Variants in KSR2 observed in about 807,000 individuals in gnomAD.
KSR2 encodes kinase suppressor of ras 2.
A neutral mutation model predicts 107.8 loss-of-function variants in KSR2; 25 were observed. That is an observed-to-expected ratio of 0.23 (90% CI 0.17 to 0.32). KSR2 has a LOEUF of 0.32. Ranked by LOEUF, KSR2 falls within the 10% of genes least tolerant of loss-of-function variation. KSR2 has a pLI of 1.00. For missense variants in KSR2, 887 were observed against 1,268.9 expected, an observed-to-expected ratio of 0.70 and a Z score of 4.57; for synonymous variants, 480 against 507.0, an observed-to-expected ratio of 0.95 and a Z score of 0.71.
In KSR2 at chr12:117,947,561, TA is replaced by T. The variant is rs532210593; in HGVS notation, c.180+20514del. 7.5e-3 allele frequency among the ~76,000 whole-genome samples: 1,128 copies of T among 150,544 alleles called. 19 individuals are homozygous for T. Among genetic ancestry groups the T allele is most frequent in the African/African-American group, 0.026 (1,028 of 40,046 alleles). On this transcript the variant is annotated intron_variant, in intron 1 of 19. Transcript: ENST00000339824. ...GAAATCCTGGCTAGTAAAACAAAAATAAATACAATTTTTAAAAAATCAATTA... is the reference window on the plus strand; with the variant it reads ...GAAATCCTGGCTAGTAAAACAAAAATAATACAATTTTTAAAAAATCAATTA...
intron 3 of KSR2, among the ~76,000 whole-genome samples, chr12:117,792,581 T>A (rs1360338342): frequency 1.3e-5 from 2 of 152,200 alleles, no homozygotes; most frequent in African/African-American, 2.4e-5. Flanking sequence ...CAAGGGCTAT[T>A]ATTAGGAACC....
chr12:117,852,709 T>C (rs1022335436), intron 3 of KSR2, among the ~76,000 whole-genome samples: 1 of 152,114 alleles, frequency 6.6e-6, no homozygotes, highest in Non-Finnish European at 1.5e-5. Context: ...CCTCAAACGC[T>C]CACTGTCAGG....
At chr12:117,580,201 A>T (rs1879557263) in intron 6 of KSR2, among the ~76,000 whole-genome samples, 1 of 152,186 alleles carries the variant, frequency 6.6e-6, no homozygotes, top group Non-Finnish European at 1.5e-5. Context: ...CTCCAAACAG[A>T]ATAAGCCACA....
At chr12:117,744,689 T>G (rs1038568224) in intron 4 of KSR2, among the ~76,000 whole-genome samples, 5 of 152,162 alleles carry the variant, frequency 3.3e-5, no homozygotes, top group Non-Finnish European at 7.4e-5. Flanking sequence ...AATCTGTAAG[T>G]TTTTCTCTAC....
chr12:117,959,746 C>T (rs768603149), intron 1 of KSR2, among the ~76,000 whole-genome samples: 12 of 152,052 alleles, frequency 7.9e-5, no homozygotes, highest in Admixed American at 3.9e-4. Context: ...GCCTGAGCAA[C>T]ATAGGGAGAC....
At chr12:117,704,944 C>T (rs1014502792) in intron 4 of KSR2, among the ~76,000 whole-genome samples, 18 of 151,970 alleles carry the variant, frequency 1.2e-4, no homozygotes, top group Non-Finnish European at 2.2e-4. Flanking sequence ...CTAAAGAGTG[C>T]GACAAGGTGG....
Position 117,582,320 on chromosome 12 carries a change from C to T in KSR2, c.1211G>A (p.Arg404His), listed in dbSNP as rs1271054017. 6.2e-6 allele frequency: 10 copies of T among 1,613,640 alleles called. No individual in the cohort carries two copies. The highest frequency in any genetic ancestry group is 2.2e-5 in the South Asian group (2 of 91,084). ...SVPRWSPQIPRRDLGNSIKHR... is the reference protein window; with the variant it reads ...SVPRWSPQIPHRDLGNSIKHR... ...CTTGATGGAGTTGCCGAGATCTCTG[C>T]GAGGGATCTGCGGGGACCAGCGTGG... is the stretch of plus-strand genomic sequence containing the variant. The change falls in exon 6 of 20, where the codon CGC (arginine) becomes CAC (histidine). Residue 404 changes from arginine (R) to histidine (H), a missense_variant. Arg to His is a conservative substitution (Grantham distance 29). Coordinates refer to ENST00000339824, the MANE Select transcript of KSR2 (RefSeq NM_173598.6).
chr12:117,898,526 G>T (rs765680742), intron 1 of KSR2, among the ~76,000 whole-genome samples: 1 of 151,872 alleles, frequency 6.6e-6, no homozygotes, highest in Non-Finnish European at 1.5e-5. Flanking sequence ...CACCATGTGG[G>T]CCAGGCTGGT....
At chr12:117,485,849 C>G (rs555239751) in intron 14 of KSR2, among the ~76,000 whole-genome samples, 158 bp from the exon 15 acceptor site, 5 of 152,338 alleles carry the variant, frequency 3.3e-5, no homozygotes, top group African/African-American at 1.2e-4. Flanking sequence ...AGATCTGGTT[C>G]TGGGATGGAG....
chr12:117,945,065 A>C (rs562155215), intron 1 of KSR2, among the ~76,000 whole-genome samples: 1 of 152,308 alleles, frequency 6.6e-6, no homozygotes, highest in African/African-American at 2.4e-5. Flanking sequence ...CTCAGAATAC[A>C]TGAAGCAAAA....
intron 1 of KSR2, among the ~76,000 whole-genome samples, chr12:117,946,018 T>C (rs1463095334): frequency 6.6e-6 from 1 of 152,052 alleles, no homozygotes; most frequent in Non-Finnish European, 1.5e-5. Context: ...TTAGAAAATA[T>C]TATGAACTGG....
chr12:117,668,535 A>G (rs958286135), intron 4 of KSR2, among the ~76,000 whole-genome samples: 1 of 152,130 alleles, frequency 6.6e-6, no homozygotes, highest in Non-Finnish European at 1.5e-5. Context: ...GCTGGAGAAG[A>G]GCAGGTGCAG....
At chr12:117,654,393 T>C (rs2136444293) in intron 5 of KSR2, among the ~76,000 whole-genome samples, 1 of 152,264 alleles carries the variant, frequency 6.6e-6, no homozygotes, top group East Asian at 1.9e-4. Context: ...GGGAGCTCCC[T>C]ATGATCAGTT....
rs374848258 is a variant in KSR2 at position 117,855,530 on chromosome 12, C to A, written c.370G>T (p.Asp124Tyr). Residue 124 changes from aspartate to tyrosine, a missense_variant, in exon 3 of 20, where the codon GAT becomes TAT. Physicochemically the swap from Asp to Tyr is radical, Grantham distance 160 (BLOSUM62 -3). Around this residue, in one of 8 missense-constraint regions of KSR2, gnomAD observed 399 missense variants for 479.5 expected, o/e 0.83. Transcript: ENST00000339824. ...LSLEDLLEMT[D>Y]EQVCETVEKY... is the part of the protein sequence containing the mutation. ...TCCACAGTCTCGCACACCTGTTCAT[C>A]CGTCATCTCCAAGAGGTCCTCCAGG... 98 of 1,613,914 alleles carry A rather than the reference C, an allele frequency of 6.1e-5. No homozygotes were observed. The highest frequency in any genetic ancestry group is 8.1e-5 in the Non-Finnish European group (96 of 1,179,906).
At chr12:117,652,857 G>A (rs935125109) in intron 5 of KSR2, among the ~76,000 whole-genome samples, 1 of 152,100 alleles carries the variant, frequency 6.6e-6, no homozygotes, top group African/African-American at 2.4e-5. Context: ...GGTCCAGTGG[G>A]TCTCCGGACT....
chr12:117,966,873 G>A (rs1896814855), intron 1 of KSR2, among the ~76,000 whole-genome samples: 1 of 152,094 alleles, frequency 6.6e-6, no homozygotes, highest in Admixed American at 6.5e-5. Context: ...TCAGGCCTTG[G>A]GAACTCATGT....
At chr12:117,489,304 T>C (rs147007533) in intron 14 of KSR2, among the ~76,000 whole-genome samples, 1 of 152,298 alleles carries the variant, frequency 6.6e-6, no homozygotes, top group Non-Finnish European at 1.5e-5. Flanking sequence ...CTGGATAATT[T>C]TGAAGGTACG....
rs1329174936 is a variant in KSR2 at position 117,471,982 on chromosome 12, C to CT, written c.2583-663dup. Among the ~76,000 whole-genome samples, 107 of 147,896 alleles carry CT rather than the reference C, an allele frequency of 7.2e-4. 1 individual carries two copies. Among genetic ancestry groups the CT allele is most frequent in the Middle Eastern group, 3.5e-3 (1 of 288 alleles). The stretch of plus-strand genomic sequence containing the variant: ...GGATTTTTTTTCTTTTATACTTGTC[C>CT]TTTTTTTTTTCTAAGTATAAACCAC... On this transcript the variant is annotated intron_variant, in intron 17 of 19. Transcript: ENST00000339824.
At position 117,684,860 on chromosome 12, in the gene KSR2, T is replaced by C. The variant is rs756820223; in HGVS notation, c.987-17202A>G. On this transcript the variant is annotated intron_variant, in intron 4 of 19. Transcript: ENST00000339824. ...GGAGTGTGATGGCAGTTCTGGCGGA[T>C]TTCAAAGCTAGTTCCTCATCACTCT... Among the ~76,000 whole-genome samples the C allele has an allele frequency of 9.1e-4, 139 of 152,204 alleles. 5 individuals are homozygous for C. The highest frequency in any genetic ancestry group is 2.1e-4 in the Non-Finnish European group (14 of 68,036).
Sources: gnomAD v4.1 joint callset for allele counts (sites outside exome capture counted in the v4.1 genomes callset) on GRCh38, gnomAD v4.1.1 for gene constraint, gnomAD v4.1.1 regional missense constraint, MANE v1.5 for transcripts, NCBI Gene and HGNC (gene_info 2026-07-23, HGNC 2026-07-21) for gene names.